MEIKIN: variants seen among roughly 807,000 people sequenced by gnomAD.
MEIKIN encodes the protein meiosis-specific kinetochore protein.
At chr5:131,865,907 A>C (rs1442404090) in intron 9 of MEIKIN, among the ~76,000 whole-genome samples, 5 of 152,210 alleles carry the variant, frequency 3.3e-5, no homozygotes, top group Non-Finnish European at 7.3e-5. Flanking sequence ...ACTGGTCTTC[A>C]GGCCTCAGTG....
At chr5:131,924,919 C>G (rs1751564200) in intron 5 of MEIKIN, among the ~76,000 whole-genome samples, 1 of 152,032 alleles carries the variant, frequency 6.6e-6, no homozygotes, top group Non-Finnish European at 1.5e-5. Context: ...GAAGCTTTTC[C>G]CCTATGTTTT....
rs1191801241 is a variant in MEIKIN at position 131,811,345 on chromosome 5, C to CT, written c.1100-4088dup. 6.3e-3 allele frequency among the ~76,000 whole-genome samples: 884 copies of CT among 140,872 alleles called. 6 individuals are homozygous for CT. Among genetic ancestry groups the CT allele is most frequent in the African/African-American group, 0.018 (700 of 38,764 alleles). The allele number at this position is 140,872 out of a possible 152,430, so 92.4% of individuals were successfully genotyped here. On this transcript the variant is annotated intron_variant, in intron 12 of 12. Transcript: ENST00000442687. Reference sequence around the variant, plus strand: ...GTGTTATTTGTAAACTTTTTCTTTTCTTTTTTTTTTTTTTAATTTTTTATT... The same window carrying CT: ...GTGTTATTTGTAAACTTTTTCTTTTCTTTTTTTTTTTTTTTAATTTTTTATT...
chr5:131,882,825 A>G (rs950048944), intron 8 of MEIKIN, among the ~76,000 whole-genome samples: 9 of 151,726 alleles, frequency 5.9e-5, no homozygotes, highest in African/African-American at 2.2e-4. Context: ...GCACATTCCC[A>G]TCTCATGGTT....
intron 9 of MEIKIN, among the ~76,000 whole-genome samples, chr5:131,860,609 T>C (rs1750267424): frequency 3.6e-5 from 2 of 55,112 alleles, no homozygotes; most frequent in African/African-American, 8.2e-5. Context: ...CATGCCAGGA[T>C]AATTTTTTTT....
rs546825703 is a variant in MEIKIN, at chr5:131,942,389, C to T, written c.349+246G>A. On this transcript the variant is annotated intron_variant, in intron 4 of 12. Coordinates refer to ENST00000442687, the MANE Select transcript of MEIKIN (RefSeq NM_001303622.2). The stretch of plus-strand genomic sequence containing the variant: ...CTCATGGAAGTCTTCCCTAATTTCT[C>T]TAGGTAAACTCAATCACACTCAAGT... Among the ~76,000 whole-genome samples the T allele has an allele frequency of 1.4e-4, 21 of 152,356 alleles. No homozygotes were observed. The South Asian group carries it at 4.3e-3, about 32-fold the overall frequency.
intron 5 of MEIKIN, among the ~76,000 whole-genome samples, chr5:131,922,519 C>A (rs1751521974): frequency 6.6e-6 from 1 of 151,944 alleles, no homozygotes; most frequent in African/African-American, 2.4e-5. Context: ...CATGCAAATA[C>A]CATGCCATTT....
At chr5:131,852,259 C>T (rs755548292) in intron 10 of MEIKIN, among the ~76,000 whole-genome samples, 17 of 152,112 alleles carry the variant, frequency 1.1e-4, no homozygotes, top group East Asian at 3.9e-4. Flanking sequence ...TGAGTTTTCC[C>T]GAGATCTGAT....
intron 11 of MEIKIN, among the ~76,000 whole-genome samples, chr5:131,823,083 C>T (rs868840872): frequency 2.6e-5 from 4 of 151,912 alleles, no homozygotes; most frequent in Admixed American, 2.0e-4. Context: ...CCCCATTTTA[C>T]GTTGTTTCTT....
At chr5:131,826,525 T>C (rs549791669) in intron 11 of MEIKIN, among the ~76,000 whole-genome samples, 8 of 152,140 alleles carry the variant, frequency 5.3e-5, no homozygotes, top group Non-Finnish European at 1.0e-4. Context: ...TAAATATACC[T>C]CGTAAAATTT....
In MEIKIN at chr5:131,885,366, AGAGAGAGAGAGAGAGAGAGAG is replaced by A. The variant is rs1561743974; in HGVS notation, c.704-6339_704-6319del. On this transcript the variant is annotated intron_variant, in intron 8 of 12. Coordinates refer to ENST00000442687, the MANE Select transcript of MEIKIN (RefSeq NM_001303622.2). ...AAGAGAGAGAGAGAGAGAGAGAGAG[AGAGAGAGAGAGAGAGAGAGAG>A]AGAGAGAGAGAGAGAGAGAGAGAGA... is the stretch of plus-strand genomic sequence containing the variant. Among the ~76,000 whole-genome samples the A allele has an allele frequency of 3.2e-3, 220 of 69,062 alleles. 15 individuals carry two copies. The highest frequency in any genetic ancestry group is 7.7e-3 in the African/African-American group (169 of 21,924). 45.3% of individuals were successfully genotyped at this position (69,062 alleles called of 152,430 possible).
intron 6 of MEIKIN, among the ~76,000 whole-genome samples, chr5:131,921,393 C>T (rs1235184961): frequency 1.3e-5 from 2 of 151,694 alleles, no homozygotes; most frequent in East Asian, 3.9e-4. Flanking sequence ...AGCAGTGGCT[C>T]ACACCTGTAA....
At chr5:131,914,504 A>G (rs1241555442) in intron 7 of MEIKIN, among the ~76,000 whole-genome samples, 9 of 146,292 alleles carry the variant, frequency 6.2e-5, no homozygotes, top group African/African-American at 2.3e-4. Context: ...GAGAAAAAGA[A>G]AAGAAAAAGA....
chr5:131,911,989 G>C (rs1050837386), intron 7 of MEIKIN, 110 bp from the exon 8 acceptor site: 41 of 386,434 alleles, frequency 1.1e-4, no homozygotes, highest in African/African-American at 6.2e-4. Flanking sequence ...TAATTATCCT[G>C]TGGGAAAATA....
chr5:131,865,833 C>T (rs1580879133), intron 9 of MEIKIN, among the ~76,000 whole-genome samples: 2 of 152,200 alleles, frequency 1.3e-5, no homozygotes, highest in South Asian at 4.1e-4. Flanking sequence ...TCCTTGGTGG[C>T]TTAGCATGTG....
intron 8 of MEIKIN, among the ~76,000 whole-genome samples, chr5:131,898,993 A>G: frequency 6.6e-6 from 1 of 152,022 alleles, no homozygotes; most frequent in Non-Finnish European, 1.5e-5. Flanking sequence ...TGCAGAAATT[A>G]CCCATCTTCT....
intron 12 of MEIKIN, among the ~76,000 whole-genome samples, chr5:131,815,518 AG>A (rs913404001): frequency 5.8e-4 from 89 of 152,206 alleles, no homozygotes; most frequent in African/African-American, 2.1e-3. Flanking sequence ...TTAGTTCCAA[AG>A]GGAGAAATTC....
intron 12 of MEIKIN, among the ~76,000 whole-genome samples, chr5:131,814,806 AC>A (rs1237551661): frequency 1.3e-5 from 2 of 152,148 alleles, no homozygotes; most frequent in East Asian, 3.9e-4. Flanking sequence ...TGGCTCATGA[AC>A]AAAGTGGCCA....
chr5:131,820,436 A>G (rs6861174), intron 11 of MEIKIN, among the ~76,000 whole-genome samples: 119,302 of 152,068 alleles, frequency 0.78, 47,033 homozygotes, highest in African/African-American at 0.83. Context: ...CTACTATTTC[A>G]TTCAGGATTT....
At chr5:131,813,099 G>A (rs1773026692) in intron 12 of MEIKIN, among the ~76,000 whole-genome samples, 2 of 152,200 alleles carry the variant, frequency 1.3e-5, no homozygotes, top group African/African-American at 2.4e-5. Context: ...GAAGTCATAA[G>A]TAAGTAACAT....
Sources: gnomAD v4.1 joint callset for allele counts (sites outside exome capture counted in the v4.1 genomes callset) on GRCh38, gnomAD v4.1.1 for gene constraint, MANE v1.5 for transcripts, NCBI Gene and HGNC (gene_info 2026-07-23, HGNC 2026-07-21) for gene names.